The following SERPINB12 variants were observed in gnomAD, a reference collection of about 807,000 sequenced individuals.
SERPINB12 encodes serpin B12.
Under a neutral mutation model 41.1 loss-of-function variants are expected in SERPINB12, and 57 were observed. That is an observed-to-expected ratio of 1.39 (90% CI 1.12 to 1.73). The LOEUF is 1.73. Ranked by LOEUF, SERPINB12 falls within the 40% of genes most tolerant of loss-of-function variation. The pLI is 0.00. For synonymous variants in SERPINB12, 180 were observed against 181.3 expected (o/e 0.99, Z 0.06); for missense variants, 536 against 501.9 (o/e 1.07, Z -0.65).
intron 3 of SERPINB12, among the ~76,000 whole-genome samples, chr18:63,559,060 C>CTT (rs1404721073): frequency 0.1 from 8,923 of 88,410 alleles, 476 homozygotes; most frequent in Non-Finnish European, 0.12. Flanking sequence ...CTTTCTTTCT[C>CTT]TCCTTCTTCT....
chr18:63,543,771 G>A (rs774344312), intron 1 of SERPINB12, among the ~76,000 whole-genome samples: 4 of 151,446 alleles, frequency 2.6e-5, no homozygotes, highest in Non-Finnish European at 4.4e-5. Context: ...CGTGCGCCAC[G>A]ACACCAGGCT....
At chr18:63,534,513 C>T in the SERPINB12 span, among the ~76,000 whole-genome samples, 3 of 152,140 alleles carry the variant, frequency 2.0e-5, no homozygotes, top group African/African-American at 7.2e-5. Flanking sequence ...TATTGGCCAG[C>T]ACAGAAAAGC....
chr18:63,533,753 A>G, the SERPINB12 span, among the ~76,000 whole-genome samples: 2 of 152,162 alleles, frequency 1.3e-5, no homozygotes, highest in East Asian at 1.9e-4. Context: ...TTGAACTTTC[A>G]TCGCCAAAGG....
In SERPINB12 at chr18:63,561,096, T is replaced by A; in HGVS notation, c.456T>A (p.Asp152Glu). Residue 152 changes from aspartate (D) to glutamate (E), a missense_variant, in exon 5 of 8, where the codon GAT becomes GAA. Coordinates refer to ENST00000382768, the MANE Select transcript of SERPINB12 (RefSeq NM_001307928.2). ...QEFPICQEYLDGVIQFYHTTI... is the reference protein window; with the variant it reads ...QEFPICQEYLEGVIQFYHTTI... The stretch of plus-strand genomic sequence containing the variant: ...TTCCAATGGAACAGGAATACTTAGA[T>A]GGTGTGATTCAATTTTACCACACGA... 1 of 1,604,072 alleles carries A rather than the reference T, an allele frequency of 6.2e-7. No homozygotes were observed. The highest frequency in any genetic ancestry group is 8.5e-7 in the Non-Finnish European group (1 of 1,171,204).
intron 6 of SERPINB12, among the ~76,000 whole-genome samples, chr18:63,564,761 T>A (rs1019549546): frequency 1.3e-5 from 2 of 151,644 alleles, no homozygotes; most frequent in Non-Finnish European, 2.9e-5. Context: ...TGGCATGGGG[T>A]GGTATGAGGC....
upstream of SERPINB12, among the ~76,000 whole-genome samples, chr18:63,540,598 G>A (rs1028486900): frequency 7.2e-5 from 11 of 152,212 alleles, no homozygotes; most frequent in African/African-American, 2.6e-4. Flanking sequence ...CCCACTGCTG[G>A]TGGGATTTCT....
the SERPINB12 span, among the ~76,000 whole-genome samples, chr18:63,534,473 G>A: frequency 1.3e-5 from 2 of 152,092 alleles, no homozygotes; most frequent in African/African-American, 4.8e-5. Context: ...TCATACAATT[G>A]TTTTATGAAC....
chr18:63,539,337 C>A (rs1384583267), upstream of SERPINB12, among the ~76,000 whole-genome samples: 2 of 152,120 alleles, frequency 1.3e-5, no homozygotes, highest in Non-Finnish European at 2.9e-5. Flanking sequence ...TATTCCACTT[C>A]CCCATGTCCC....
intron 3 of SERPINB12, among the ~76,000 whole-genome samples, chr18:63,559,015 T>TTTCA (rs1910786432): frequency 1.7e-5 from 1 of 59,894 alleles, no homozygotes; most frequent in African/African-American, 4.7e-5. Flanking sequence ...TCTTTCTTTC[T>TTTCA]TTCTTTCTTT....
intron 2 of SERPINB12, 51 bp downstream of exon 2, chr18:63,556,378 T>A: frequency 9.7e-6 from 15 of 1,551,898 alleles, no homozygotes; most frequent in Non-Finnish European, 1.3e-5. Flanking sequence ...GGGTCCACAC[T>A]CAAAGTCAGA....
chr18:63,532,280 C>A, the SERPINB12 span, among the ~76,000 whole-genome samples: 6 of 152,326 alleles, frequency 3.9e-5, no homozygotes, highest in South Asian at 1.2e-3. Flanking sequence ...TCCTCTTTCA[C>A]ATGGTTGAAA....
intron 1 of SERPINB12, among the ~76,000 whole-genome samples, chr18:63,552,984 T>C (rs1032860709): frequency 6.6e-6 from 1 of 152,210 alleles, no homozygotes. Flanking sequence ...AGCTGTTTTT[T>C]TTTCGTTGTT....
At chr18:63,525,386 ACT>A in the SERPINB12 span, among the ~76,000 whole-genome samples, 4 of 152,148 alleles carry the variant, frequency 2.6e-5, no homozygotes, top group East Asian at 7.7e-4. Context: ...GCAGTTTTGA[ACT>A]CTTATTCTTA....
At chr18:63,521,756 C>T in the SERPINB12 span, among the ~76,000 whole-genome samples, 2 of 152,180 alleles carry the variant, frequency 1.3e-5, no homozygotes, top group Non-Finnish European at 2.9e-5. Context: ...GTCTGAACAC[C>T]TCCAGTAATG....
the SERPINB12 span, among the ~76,000 whole-genome samples, chr18:63,535,130 A>ATAACTTT: frequency 6.6e-6 from 1 of 152,344 alleles, no homozygotes; most frequent in African/African-American, 2.4e-5. Context: ...TGGTTAGAAA[A>ATAACTTT]TAACTTTTAA....
At chr18:63,556,569 C>A (rs1031827188) in intron 2 of SERPINB12, among the ~76,000 whole-genome samples, 4 of 152,170 alleles carry the variant, frequency 2.6e-5, no homozygotes, top group Non-Finnish European at 4.4e-5. Flanking sequence ...TCATGTCTGG[C>A]AGCTTTTCTC....
In SERPINB12 at chr18:63,565,613, G is replaced by A. The variant is rs1221895944; in HGVS notation, c.873+1G>A. 17 of 1,606,098 alleles carry A rather than the reference G, an allele frequency of 1.1e-5. No homozygotes were observed. The highest frequency in any genetic ancestry group is 1.4e-5 in the Non-Finnish European group (17 of 1,177,026). ...AGATAACCTGAAGGGTCTGGAAGAG[G>A]TAAATCTTCATTTCCACATCTCTAC... On this transcript the variant is annotated splice_donor_variant, in intron 7 of 7. Coordinates refer to ENST00000382768, the MANE Select transcript of SERPINB12 (RefSeq NM_001307928.2). LOFTEE classifies it high-confidence loss of function.
upstream of SERPINB12, among the ~76,000 whole-genome samples, chr18:63,540,410 G>A (rs779745893): frequency 2.0e-5 from 3 of 152,106 alleles, no homozygotes; most frequent in Non-Finnish European, 2.9e-5. Flanking sequence ...TCTATGCTAA[G>A]GAAATCATCT....
intron 1 of SERPINB12, among the ~76,000 whole-genome samples, chr18:63,549,586 T>C (rs1049017123): frequency 1.1e-5 from 1 of 91,982 alleles, no homozygotes; most frequent in Non-Finnish European, 2.4e-5. Flanking sequence ...TTTGCACAGA[T>C]TTCAATGCAA....
Sources: allele counts gnomAD v4.1 joint callset (sites outside exome capture counted in the v4.1 genomes callset), GRCh38; gene constraint gnomAD v4.1.1; transcripts MANE v1.5; gene names NCBI Gene and HGNC (gene_info 2026-07-23, HGNC 2026-07-21).